Variants in CHRNB1 observed in about 807,000 individuals in gnomAD.
CHRNB1 encodes cholinergic receptor nicotinic beta 1 subunit, also known as acetylcholine receptor subunit beta.
CHRNB1 carries 47 observed loss-of-function variants against 53.8 expected under a neutral mutation model. The ratio of observed to expected loss-of-function variants is 0.87; its 90% CI spans 0.69 to 1.11. The LOEUF (loss-of-function observed/expected upper bound fraction) is 1.11. Among genes scored for constraint, CHRNB1 ranks in the 50% most tolerant of loss-of-function variants. The pLI, the probability that CHRNB1 is intolerant of heterozygous loss-of-function variation, is 0.00. For missense variants in CHRNB1, 605 were observed against 654.9 expected (o/e 0.92, Z 0.83); for synonymous variants, 259 against 263.5 (o/e 0.98, Z 0.16).
chr17:7,447,853 G>A (rs1005369927), intron 6 of CHRNB1, among the ~76,000 whole-genome samples: 8 of 152,010 alleles, frequency 5.3e-5, no homozygotes, highest in African/African-American at 1.9e-4. Context: ...CGAGGCGGGC[G>A]GATCATTTGA....
At chr17:7,447,281 G>C (rs1908679702) in intron 5 of CHRNB1, 130 bp downstream of exon 5, 2 of 939,792 alleles carry the variant, frequency 2.1e-6, no homozygotes, top group East Asian at 5.2e-5. Context: ...CCCTCACCTC[G>C]TCTACCCTCC....
At chr17:7,455,037 A>T (rs150022057) in intron 8 of CHRNB1, among the ~76,000 whole-genome samples, 66 of 152,104 alleles carry the variant, frequency 4.3e-4, no homozygotes, top group African/African-American at 1.4e-3. Flanking sequence ...TCCTGACCTC[A>T]GGTGATCCAC....
chr17:7,454,515 C>G lies in CHRNB1; in HGVS notation c.1039C>G (p.Arg347Gly). The G allele has an allele frequency of 6.2e-7, 1 of 1,613,760 alleles. No individual in the cohort carries two copies. Among genetic ancestry groups the G allele is most frequent in the Non-Finnish European group, 8.5e-7 (1 of 1,179,688 alleles). Reference protein sequence around the residue: ...PHTHQMPLWVRQIFIHKLPLY... With the variant: ...PHTHQMPLWVGQIFIHKLPLY... The stretch of plus-strand genomic sequence containing the variant: ...CACCCACCAAATGCCCCTTTGGGTC[C>G]GTCAGGTAAGAAAGATCTCCTCCTC... Residue 347 changes from arginine (R) to glycine (G), a missense_variant, in exon 8 of 11, where the codon CGT becomes GGT. By Grantham distance (125) the Arg-to-Gly change is moderately radical (BLOSUM62 -2). Coordinates refer to ENST00000306071, the MANE Select transcript of CHRNB1 (RefSeq NM_000747.3).
chr17:7,448,844 T>C lies in CHRNB1; in HGVS notation c.820+56T>C, dbSNP rs17806566. ...GTCATTGGCTCAGCTTCTTACTCTT[T>C]ATCCTTAATCCAGGCAGGGTTTTCC... On this transcript the variant is annotated intron_variant, in intron 7 of 10. Coordinates refer to ENST00000306071, the MANE Select transcript of CHRNB1 (RefSeq NM_000747.3). 0.039 allele frequency: 60,800 copies of C among 1,569,946 alleles called. 1,561 individuals are homozygous for C. Among genetic ancestry groups the C allele is most frequent in the East Asian group, 0.13 (5,920 of 44,630 alleles).
chr17:7,456,014 C>G (rs2069946679), intron 10 of CHRNB1, 73 bp downstream of exon 10: 2 of 1,247,328 alleles, frequency 1.6e-6, no homozygotes, highest in Non-Finnish European at 2.3e-6. Flanking sequence ...CGCACCAGCA[C>G]TCGCTTTCGT....
intron 7 of CHRNB1, among the ~76,000 whole-genome samples, chr17:7,451,951 C>A (rs965987620): frequency 1.3e-5 from 2 of 152,230 alleles, no homozygotes; most frequent in African/African-American, 4.8e-5. Context: ...CACCCCAGCC[C>A]TGGAAGCCCC....
intron 7 of CHRNB1, among the ~76,000 whole-genome samples, chr17:7,451,216 G>A (rs1222677659): frequency 6.6e-6 from 1 of 150,860 alleles, no homozygotes; most frequent in Non-Finnish European, 1.5e-5. Context: ...AGGCAAGTGA[G>A]TTTCACTGGG....
chr17:7,453,582 CT>C (rs71157287), intron 7 of CHRNB1, among the ~76,000 whole-genome samples: 25,612 of 95,868 alleles, frequency 0.27, 2,276 homozygotes, highest in Middle Eastern at 0.36. Context: ...AAAAGCCTGT[CT>C]TTTTTTTTTT....
At chr17:7,455,187 C>T in intron 8 of CHRNB1, 97 bp from the exon 9 acceptor site, 4 of 1,337,966 alleles carry the variant, frequency 3.0e-6, no homozygotes, top group African/African-American at 2.9e-5. Context: ...CACATACTCA[C>T]GCGCGGGAAT....
At position 7,445,991 on chromosome 17, in the gene CHRNB1, G is replaced by A. The variant is rs1908591628; in HGVS notation, c.199-78G>A. 7.8e-7 allele frequency: 1 copy of A among 1,287,918 alleles called. No homozygotes were observed. Among genetic ancestry groups the A allele is most frequent in the Non-Finnish European group, 1.1e-6 (1 of 883,700 alleles). The allele number at this position is 1,287,918 out of a possible 1,614,324, so 79.8% of individuals were successfully genotyped here. A position where few individuals can be genotyped will look rare whatever the true frequency, so the allele number is the denominator to read the frequency against. ...CAGAAAAAGGGGGCGGCGTTCCCAGGAGAGAGGTTGGCCCCCCGAGCCCCC... is the reference window on the plus strand; with the variant it reads ...CAGAAAAAGGGGGCGGCGTTCCCAGAAGAGAGGTTGGCCCCCCGAGCCCCC... On this transcript the variant is annotated intron_variant, in intron 2 of 10. Transcript: ENST00000306071. The surrounding 1 kb of genome is among the most constrained non-coding windows in gnomAD (Gnocchi z 5.7).
chr17:7,448,691 C>A lies in CHRNB1; in HGVS notation c.723C>A (p.Ile241=), dbSNP rs768773947. 3.7e-5 allele frequency: 59 copies of A among 1,614,080 alleles called. No individual in the cohort carries two copies. The South Asian group carries it at 6.1e-4, about 17-fold the overall frequency. ...AGGAAGTCATCTTCTACCTCATCAT[C>A]CGCCGCAAGCCTCTCTTCTACCTGG... The part of the protein sequence containing the change: ...QRQEVIFYLI[I]RRKPLFYLVN... The change falls in exon 7 of 11, where the codon ATC becomes ATA. Residue 241 remains isoleucine, a synonymous_variant. Transcript: ENST00000306071.
At position 7,455,935 on chromosome 17, in the gene CHRNB1, C is replaced by T. The variant is rs142053338; in HGVS notation, c.1359C>T (p.His453=). The T allele has an allele frequency of 3.2e-4, 514 of 1,613,872 alleles. 4 individuals are homozygous for T. The African/African-American group carries it at 6.4e-3, about 20-fold the overall frequency. Residue 453 remains histidine (H), a synonymous_variant, in exon 10 of 11, where the codon CAC becomes CAT. Coordinates refer to ENST00000306071, the MANE Select transcript of CHRNB1 (RefSeq NM_000747.3). ...GACAGCTGCAGGAACAGGAGGACCA[C>T]GATGCGGTATGTCCAACGGGGGTGG... The part of the protein sequence containing the change: ...IARQLQEQED[H]DALKEDWQFV...
rs34122873 is a variant in CHRNB1 at position 7,449,104 on chromosome 17, AT to A, written c.820+333del. 2.5e-3 allele frequency among the ~76,000 whole-genome samples: 333 copies of A among 132,554 alleles called. 1 individual carries two copies. Among genetic ancestry groups the A allele is most frequent in the African/African-American group, 5.8e-3 (204 of 35,068 alleles). 87.0% of individuals were successfully genotyped at this position (132,554 alleles called of 152,430 possible). A position where few individuals can be genotyped will look rare whatever the true frequency, so the allele number is the denominator to read the frequency against. On this transcript the variant is annotated intron_variant, in intron 7 of 10. Transcript: ENST00000306071. Reference sequence around the variant, plus strand: ...CTTTCAGACTCCCACTACTCCTTTAATTTTTTTTTTTTTTTTTGAGATGGAG... The same window carrying A: ...CTTTCAGACTCCCACTACTCCTTTAATTTTTTTTTTTTTTTTGAGATGGAG...
chr17:7,446,743 C>T (rs1908649488), intron 3 of CHRNB1, 90 bp from the exon 4 acceptor site: 1 of 1,010,572 alleles, frequency 9.9e-7, no homozygotes, highest in Admixed American at 1.9e-5. Flanking sequence ...TGCTCCCCTT[C>T]CTTGCACTCC....
chr17:7,447,183 G>A, intron 5 of CHRNB1, 32 bp downstream of exon 5: 1 of 1,569,902 alleles, frequency 6.4e-7, no homozygotes. Context: ...AGCTGAAGGA[G>A]CTCTTACAAA....
intron 3 of CHRNB1, chr17:7,446,340 T>G: frequency 2.6e-6 from 1 of 391,094 alleles, no homozygotes; most frequent in Non-Finnish European, 5.2e-6. Context: ...TGTGTGTGTG[T>G]GTGTGTGTGT....
In CHRNB1 at chr17:7,456,852, G is replaced by T; in HGVS notation, c.*129G>T. 2 of 1,202,004 alleles carry T rather than the reference G, an allele frequency of 1.7e-6. No homozygotes were observed. The highest frequency in any genetic ancestry group is 2.6e-5 in the South Asian group (2 of 76,554). The allele number at this position is 1,202,004 out of a possible 1,614,324, so 74.5% of individuals were successfully genotyped here. On this transcript the variant is annotated 3_prime_UTR_variant, in exon 11 of 11. Coordinates refer to ENST00000306071, the MANE Select transcript of CHRNB1 (RefSeq NM_000747.3). ...CTGGGCCTCTTATTTCGTTTCTGGG[G>T]ACTGCATTGGACTGAGGGCTGGGTA...
At position 7,451,413 on chromosome 17, in the gene CHRNB1, C is replaced by T. The variant is rs535597938; in HGVS notation, c.820+2625C>T. Among the ~76,000 whole-genome samples the T allele has an allele frequency of 5.9e-5, 9 of 151,516 alleles. No homozygotes were observed. In the South Asian group the frequency reaches 1.3e-3, roughly 21 times the overall value. ...TGCCTCAGCCTCCCTCCCCGGTAGC[C>T]GGGATTACAGACATGAGCCACCATG... On this transcript the variant is annotated intron_variant, in intron 7 of 10. Coordinates refer to ENST00000306071, the MANE Select transcript of CHRNB1 (RefSeq NM_000747.3).
In CHRNB1 at chr17:7,446,819, C is replaced by T. The variant is rs773503570; in HGVS notation, c.244-14C>T. 1.2e-6 allele frequency: 2 copies of T among 1,609,528 alleles called. No homozygotes were observed. The highest frequency in any genetic ancestry group is 1.7e-6 in the Non-Finnish European group (2 of 1,176,330). On this transcript the variant is annotated splice_polypyrimidine_tract_variant and intron_variant, in intron 3 of 10. Transcript: ENST00000306071. ...CTCCAACCCGGGGCAGCCCCTCAGC[C>T]TCTGCTTCACTAGGAGTGGACTGAC...
Sources: gnomAD v4.1 joint callset for allele counts (sites outside exome capture counted in the v4.1 genomes callset) on GRCh38, gnomAD v4.1.1 for gene constraint, Gnocchi (gnomAD v3.1) non-coding constraint, MANE v1.5 for transcripts, NCBI Gene and HGNC (gene_info 2026-07-23, HGNC 2026-07-21) for gene names.